The following PARVG variants were observed in gnomAD, a reference collection of about 807,000 sequenced individuals.
The protein encoded by PARVG is parvin gamma.
In PARVG, 36 loss-of-function variants were observed where a neutral mutation model predicts 44.4. The observed-to-expected ratio is 0.81, with a 90% CI of 0.62 to 1.07. The LOEUF (loss-of-function observed/expected upper bound fraction) is 1.07. Among genes scored for constraint, PARVG ranks in the 50% least tolerant of loss-of-function variants. The probability of loss-of-function intolerance (pLI) is 0.00; values close to 1 mark genes in which losing one functional copy is unlikely to be tolerated. For missense variants in PARVG, 407 were observed against 407.4 expected (o/e 1.00, Z 0.01); for synonymous variants, 170 against 174.1 (o/e 0.98, Z 0.19).
chr22:44,193,656 T>A lies in PARVG; in HGVS notation c.561-145T>A, dbSNP rs974958239. 9.3e-6 allele frequency: 9 copies of A among 965,894 alleles called. No individual in the cohort carries two copies. In the Admixed American group the frequency reaches 2.2e-4, roughly 23 times the overall value. The allele number at this position is 965,894 out of a possible 1,614,324, so 59.8% of individuals were successfully genotyped here. A position where few individuals can be genotyped will look rare whatever the true frequency, so the allele number is the denominator to read the frequency against. Reference sequence around the variant, plus strand: ...CAAAGACCTTCTCTGCTATCTGCCCTACCTACAAAGCTGCCAGGAAAACCA... The same window carrying A: ...CAAAGACCTTCTCTGCTATCTGCCCAACCTACAAAGCTGCCAGGAAAACCA... On this transcript the variant is annotated intron_variant, in intron 8 of 13. Coordinates refer to ENST00000444313, the MANE Select transcript of PARVG (RefSeq NM_022141.7).
intron 1 of PARVG, among the ~76,000 whole-genome samples, chr22:44,175,502 C>T (rs1377292325): frequency 6.6e-6 from 1 of 152,238 alleles, no homozygotes; most frequent in African/African-American, 2.4e-5. Flanking sequence ...TGAGGTTTTC[C>T]GTGGAAACCC....
At chr22:44,205,086 C>T (rs559706209) in intron 12 of PARVG, among the ~76,000 whole-genome samples, 18 of 152,142 alleles carry the variant, frequency 1.2e-4, no homozygotes, top group Non-Finnish European at 2.4e-4. Context: ...GACTGATGCC[C>T]GGGCGCTCTC....
chr22:44,187,342 C>T, intron 4 of PARVG: 1 of 208,030 alleles, frequency 4.8e-6, no homozygotes, highest in Non-Finnish European at 9.9e-6. Context: ...ATGTCATGTC[C>T]CTCATTTCCT....
chr22:44,197,029 C>T (rs754543937), intron 11 of PARVG, among the ~76,000 whole-genome samples: 2 of 151,488 alleles, frequency 1.3e-5, no homozygotes, highest in African/African-American at 2.4e-5. Context: ...GCTGCCAGCC[C>T]GGGGCCTGCA....
intron 11 of PARVG, among the ~76,000 whole-genome samples, chr22:44,196,975 C>T (rs2054626993): frequency 1.3e-5 from 2 of 152,208 alleles, no homozygotes; most frequent in South Asian, 4.1e-4. Context: ...TCCCTGTAGG[C>T]TTCCCACACT....
At chr22:44,175,658 G>A (rs2054311849) in intron 1 of PARVG, among the ~76,000 whole-genome samples, 1 of 152,092 alleles carries the variant, frequency 6.6e-6, no homozygotes, top group South Asian at 2.1e-4. Context: ...GTGGGAGCCT[G>A]CTGTGTGCCG....
chr22:44,189,080 G>T lies in PARVG; in HGVS notation c.248-34G>T. ...TGAGGTGCTCTCTGGTCTGTCCCCGGCCAGGGGTCCTCACCACCCTCTCCT... is the reference window on the plus strand; with the variant it reads ...TGAGGTGCTCTCTGGTCTGTCCCCGTCCAGGGGTCCTCACCACCCTCTCCT... On this transcript the variant is annotated intron_variant, in intron 5 of 13. Coordinates refer to ENST00000444313, the MANE Select transcript of PARVG (RefSeq NM_022141.7). 8 of 1,613,186 alleles carry T rather than the reference G, an allele frequency of 5.0e-6. 1 individual carries two copies. Among genetic ancestry groups the T allele is most frequent in the Non-Finnish European group, 6.8e-6 (8 of 1,179,910 alleles).
At chr22:44,181,385 C>T (rs1161087921) in intron 1 of PARVG, 200 bp downstream of exon 1, 21 of 985,126 alleles carry the variant, frequency 2.1e-5, no homozygotes, top group Non-Finnish European at 2.5e-5. Context: ...GAGTCTCCTG[C>T]GTGGTCCCGG....
intron 1 of PARVG, 21 bp downstream of exon 1, chr22:44,181,206 GAGAC>G (rs1480194266): frequency 8.0e-6 from 4 of 499,176 alleles, no homozygotes; most frequent in Non-Finnish European, 1.0e-5. Context: ...GCGATTGAGA[GAGAC>G]AGACCACGCA....
intron 9 of PARVG, 55 bp downstream of exon 9, chr22:44,193,878 A>G: frequency 6.3e-7 from 1 of 1,599,966 alleles, no homozygotes; most frequent in Non-Finnish European, 8.5e-7. Flanking sequence ...GTGTTAATGC[A>G]GACAAGTCTT....
exon 1 of PARVG, chr22:44,173,013 C>T (rs1357176308): frequency 1.2e-5 from 15 of 1,289,714 alleles, no homozygotes; most frequent in South Asian, 1.2e-5. Context: ...ATGGTGCCAG[C>T]GAAGGAACAG....
chr22:44,185,531 G>A, intron 3 of PARVG: 1 of 330,848 alleles, frequency 3.0e-6, no homozygotes, highest in Non-Finnish European at 5.8e-6. Flanking sequence ...TAAATAGGTA[G>A]GGTTGCCAGA....
chr22:44,179,762 A>G (rs1208473229), upstream of PARVG, among the ~76,000 whole-genome samples: 1 of 152,030 alleles, frequency 6.6e-6, no homozygotes, highest in Non-Finnish European at 1.5e-5. This position sits in a 1 kb window ranked among gnomAD's most constrained non-coding sequence, Gnocchi z 4.2. Context: ...GTTAATTGGG[A>G]TTCAGTTGCC....
At chr22:44,199,131 ACCTGTCCATCCACCTACCTG>A in intron 12 of PARVG, among the ~76,000 whole-genome samples, 1 of 148,206 alleles carries the variant, frequency 6.7e-6, no homozygotes, top group Admixed American at 6.8e-5. Context: ...CTAACTGCCT[ACCTGTCCATCCACCTACCTG>A]CCTGTCCATG....
chr22:44,197,000 GGTGCACAGTAGCAGACCGGCTGCCAGCCC>G (rs557717635), intron 11 of PARVG, among the ~76,000 whole-genome samples: 327 of 152,334 alleles, frequency 2.1e-3, no homozygotes, highest in Admixed American at 4.6e-3. Flanking sequence ...GGGAGCAGGG[GGTGCACAGTAGCAGACCGGCTGCCAGCCC>G]GGGGCCTGCA....
rs139146 is a variant in PARVG at position 44,197,608 on chromosome 22, C to A, written c.712-1013C>A. Among the ~76,000 whole-genome samples the A allele has an allele frequency of 1.5e-3, 227 of 152,160 alleles. 1 individual carries two copies. The highest frequency in any genetic ancestry group is 3.7e-3 in the South Asian group (18 of 4,822). On this transcript the variant is annotated intron_variant, in intron 11 of 13. Transcript: ENST00000444313. ...AGACAGACACACATTTCCCTCCTGC[C>A]TCCACCACTTATGGGCCCTGGGGTC...
intron 12 of PARVG, among the ~76,000 whole-genome samples, chr22:44,202,108 A>T (rs1313207980): frequency 6.6e-6 from 1 of 152,264 alleles, no homozygotes; most frequent in Non-Finnish European, 1.5e-5. Context: ...AACTCTTCCC[A>T]TCCCCACTTC....
intron 8 of PARVG, among the ~76,000 whole-genome samples, chr22:44,193,542 A>G (rs1451407995): frequency 6.6e-6 from 1 of 152,196 alleles, no homozygotes; most frequent in African/African-American, 2.4e-5. Flanking sequence ...AGAACAGAAC[A>G]CGAACAACAA....
rs1394420240 is a variant in PARVG at position 44,183,305 on chromosome 22, C to G, written c.-12-13C>G. ...CTCAGACCGTGACGCCCTCTCCTGC[C>G]TCCTCTGTGCAGGCTTGGGAGGCGA... On this transcript the variant is annotated splice_polypyrimidine_tract_variant and intron_variant, in intron 2 of 13. Transcript: ENST00000444313. 15 of 1,597,528 alleles carry G rather than the reference C, an allele frequency of 9.4e-6. No homozygotes were observed. Among genetic ancestry groups the G allele is most frequent in the Non-Finnish European group, 1.2e-5 (14 of 1,174,090 alleles).
Sources: gnomAD v4.1 joint callset for allele counts (sites outside exome capture counted in the v4.1 genomes callset) on GRCh38, gnomAD v4.1.1 for gene constraint, Gnocchi (gnomAD v3.1) non-coding constraint, MANE v1.5 for transcripts, NCBI Gene and HGNC (gene_info 2026-07-23, HGNC 2026-07-21) for gene names.